Variants in SDK1 observed in about 807,000 individuals in gnomAD.
The protein encoded by SDK1 is sidekick cell adhesion molecule 1.
Under a neutral mutation model 245.5 loss-of-function variants are expected in SDK1, and 157 were observed. The observed-to-expected ratio is 0.64, with a 90% CI of 0.56 to 0.73. The LOEUF (loss-of-function observed/expected upper bound fraction) is 0.73. Among genes scored for constraint, SDK1 ranks in the 30% least tolerant of loss-of-function variants. SDK1 has a pLI of 0.00. For synonymous variants in SDK1, 1,647 were observed against 1,278.5 expected, an observed-to-expected ratio of 1.29 and a Z score of -6.15; for missense variants, 3,583 against 3,002.3, an observed-to-expected ratio of 1.19 and a Z score of -4.52.
chr7:4,076,847 C>T (rs976628822), intron 20 of SDK1, 151 bp from the exon 21 acceptor site: 1 of 638,592 alleles, frequency 1.6e-6, no homozygotes, highest in Admixed American at 2.8e-5. Flanking sequence ...TGACCTGTGT[C>T]TCATGTCAGT....
At chr7:4,173,663 G>T (rs1038957902) in intron 32 of SDK1, among the ~76,000 whole-genome samples, 2 of 152,214 alleles carry the variant, frequency 1.3e-5, no homozygotes, top group Non-Finnish European at 2.9e-5. Flanking sequence ...TCACCGGACC[G>T]CAAGATGATA....
At chr7:4,088,134 T>C (rs1177545274) in intron 22 of SDK1, among the ~76,000 whole-genome samples, 1 of 152,204 alleles carries the variant, frequency 6.6e-6, no homozygotes, top group African/African-American at 2.4e-5. Flanking sequence ...GATTGGAGCC[T>C]GCAAACCTCG....
intron 30 of SDK1, 27 bp downstream of exon 30, chr7:4,149,490 C>T (rs1780210208): frequency 9.9e-6 from 14 of 1,410,470 alleles, no homozygotes; most frequent in South Asian, 3.2e-5. Context: ...AGCACCTCCC[C>T]GGGGAACGGG....
At chr7:3,411,093 C>A (rs1232139409) in intron 1 of SDK1, among the ~76,000 whole-genome samples, 1 of 152,018 alleles carries the variant, frequency 6.6e-6, no homozygotes, top group Non-Finnish European at 1.5e-5. Flanking sequence ...GAAAAACTTA[C>A]AGAAAGGTAG....
In SDK1 at chr7:4,266,201, C is replaced by T; in HGVS notation, c.*817C>T. 1.0e-6 allele frequency: 1 copy of T among 985,508 alleles called. No homozygotes were observed. Among genetic ancestry groups the T allele is most frequent in the African/African-American group, 1.7e-5 (1 of 57,376 alleles). The allele number at this position is 985,508 out of a possible 1,614,324, so 61.0% of individuals were successfully genotyped here. A position where few individuals can be genotyped will look rare whatever the true frequency, so the allele number is the denominator to read the frequency against. On this transcript the variant is annotated 3_prime_UTR_variant, in exon 45 of 45. Transcript: ENST00000404826. Reference sequence around the variant, plus strand: ...CGCGGGACACGAGGACACGGGACGGCGTCTCCAGAATTGCTTGTTACGTAG... The same window carrying T: ...CGCGGGACACGAGGACACGGGACGGTGTCTCCAGAATTGCTTGTTACGTAG...
intron 1 of SDK1, among the ~76,000 whole-genome samples, chr7:3,467,536 T>C (rs1781046864): frequency 6.6e-6 from 1 of 152,072 alleles, no homozygotes; most frequent in Non-Finnish European, 1.5e-5. Flanking sequence ...GAATAGATTT[T>C]TTTTGCTTTT....
At chr7:3,670,615 C>T (rs932017035) in intron 4 of SDK1, among the ~76,000 whole-genome samples, 2 of 152,162 alleles carry the variant, frequency 1.3e-5, no homozygotes, top group African/African-American at 2.4e-5. Context: ...AATAAGCCCC[C>T]AGTAAATGTT....
At chr7:4,000,204 A>G (rs1165141448) in intron 14 of SDK1, among the ~76,000 whole-genome samples, 2 of 152,216 alleles carry the variant, frequency 1.3e-5, no homozygotes, top group African/African-American at 2.4e-5. Flanking sequence ...CGGTCTGGGA[A>G]GAGCATCTGT....
At chr7:3,471,875 A>C (rs1439581098) in intron 1 of SDK1, among the ~76,000 whole-genome samples, 2 of 152,216 alleles carry the variant, frequency 1.3e-5, no homozygotes, top group East Asian at 3.8e-4. Context: ...TCTCTGAAAC[A>C]AATATTGAAG....
At chr7:3,798,211 CTTTTTTTTTTTTTT>C (rs71029699) in intron 4 of SDK1, among the ~76,000 whole-genome samples, 1 of 53,612 alleles carries the variant, frequency 1.9e-5, no homozygotes, top group African/African-American at 7.1e-5. Flanking sequence ...CCTTGGCACT[CTTTTTTTTTTTTTT>C]TTTTTTTTTT....
At chr7:3,377,705 G>C (rs1218579639) in intron 1 of SDK1, among the ~76,000 whole-genome samples, 1 of 152,066 alleles carries the variant, frequency 6.6e-6, no homozygotes, top group African/African-American at 2.4e-5. Context: ...GCCACACACA[G>C]GGCAGGGGGC....
intron 1 of SDK1, among the ~76,000 whole-genome samples, chr7:3,538,782 G>T (rs1372022082): frequency 6.6e-6 from 1 of 152,170 alleles, no homozygotes; most frequent in East Asian, 1.9e-4. Context: ...GGCCCATTCA[G>T]GCCCAGATCA....
intron 5 of SDK1, among the ~76,000 whole-genome samples, chr7:3,864,340 A>C (rs1157210305): frequency 2.0e-5 from 3 of 152,034 alleles, no homozygotes; most frequent in Non-Finnish European, 4.4e-5. Context: ...TTTTGCTGTC[A>C]TTTTAATGGG....
At chr7:3,994,049 C>G (rs1201262422) in intron 14 of SDK1, among the ~76,000 whole-genome samples, 2 of 152,114 alleles carry the variant, frequency 1.3e-5, no homozygotes, top group Non-Finnish European at 2.9e-5. Context: ...TCATTGAAGG[C>G]TCTATTTCCC....
chr7:3,682,722 GTTT>G lies in SDK1; in HGVS notation c.713+40629_713+40631del, dbSNP rs67113946. On this transcript the variant is annotated intron_variant, in intron 4 of 44. Transcript: ENST00000404826. Reference sequence around the variant, plus strand: ...CTCAAATCAAGCGTTTGGATTTACAGTTTTTTTTTTTTTTAAACAGAGTTTTGC... The same window carrying G: ...CTCAAATCAAGCGTTTGGATTTACAGTTTTTTTTTTTAAACAGAGTTTTGC... Among the ~76,000 whole-genome samples the G allele has an allele frequency of 3.8e-3, 568 of 149,236 alleles. 1 individual carries two copies. Among genetic ancestry groups the G allele is most frequent in the Middle Eastern group, 0.021 (6 of 290 alleles).
chr7:3,468,603 C>T (rs959756073), intron 1 of SDK1, among the ~76,000 whole-genome samples: 4 of 151,884 alleles, frequency 2.6e-5, no homozygotes, highest in African/African-American at 9.7e-5. Flanking sequence ...ATAACACCCT[C>T]ATTCCAGAGA....
At chr7:3,503,271 T>C (rs1171980835) in intron 1 of SDK1, among the ~76,000 whole-genome samples, 1 of 152,216 alleles carries the variant, frequency 6.6e-6, no homozygotes, top group Non-Finnish European at 1.5e-5. Flanking sequence ...CATCCCTATT[T>C]GGAAGAATTG....
intron 1 of SDK1, among the ~76,000 whole-genome samples, chr7:3,553,896 C>T (rs1466922734): frequency 6.6e-6 from 1 of 152,206 alleles, no homozygotes; most frequent in African/African-American, 2.4e-5. Context: ...CCTCAGGCAG[C>T]ATCAGCAGGG....
intron 1 of SDK1, among the ~76,000 whole-genome samples, chr7:3,594,860 A>G (rs1448586484): frequency 6.6e-6 from 1 of 152,240 alleles, no homozygotes; most frequent in Non-Finnish European, 1.5e-5. Flanking sequence ...GCATACTTAA[A>G]GAATCATACC....
Sources: gnomAD v4.1 joint callset for allele counts (sites outside exome capture counted in the v4.1 genomes callset) on GRCh38, gnomAD v4.1.1 for gene constraint, MANE v1.5 for transcripts, NCBI Gene and HGNC (gene_info 2026-07-23, HGNC 2026-07-21) for gene names.